The following SKAP1 variants were observed in gnomAD, a reference collection of about 807,000 sequenced individuals.
The protein encoded by SKAP1 is src kinase associated phosphoprotein 1.
SKAP1 carries 44 observed loss-of-function variants against 58.5 expected under a neutral mutation model. That is an observed-to-expected ratio of 0.75 (90% CI 0.59 to 0.97). The LOEUF is 0.97. Ranked by LOEUF, SKAP1 falls within the 50% of genes least tolerant of loss-of-function variation. The probability of loss-of-function intolerance (pLI) is 0.00; values close to 1 mark genes in which losing one functional copy is unlikely to be tolerated. For synonymous variants in SKAP1, 127 were observed against 149.7 expected, an observed-to-expected ratio of 0.85 and a Z score of 1.11; for missense variants, 390 against 435.2, an observed-to-expected ratio of 0.90 and a Z score of 0.92.
At chr17:48,249,607 G>A (rs2065338639) in intron 4 of SKAP1, among the ~76,000 whole-genome samples, 3 of 151,896 alleles carry the variant, frequency 2.0e-5, no homozygotes, top group African/African-American at 4.8e-5. Flanking sequence ...CCCGGAAGTC[G>A]AGGCTGCTGT....
At chr17:48,376,043 C>A (rs548947678) in intron 2 of SKAP1, among the ~76,000 whole-genome samples, 1 of 152,278 alleles carries the variant, frequency 6.6e-6, no homozygotes, top group South Asian at 2.1e-4. Flanking sequence ...TGCTTATGTA[C>A]AAATAACTCC....
At chr17:48,306,930 A>T (rs931153901) in intron 4 of SKAP1, among the ~76,000 whole-genome samples, 1 of 152,232 alleles carries the variant, frequency 6.6e-6, no homozygotes, top group Non-Finnish European at 1.5e-5. Context: ...GGAAAATATT[A>T]GATCTGATAG....
intron 11 of SKAP1, among the ~76,000 whole-genome samples, chr17:48,141,434 A>G (rs2063767028): frequency 6.6e-6 from 1 of 151,864 alleles, no homozygotes; most frequent in Non-Finnish European, 1.5e-5. Flanking sequence ...TCTGGAGTGC[A>G]CTGACACGAT....
At chr17:48,290,256 T>C (rs1446260319) in intron 4 of SKAP1, among the ~76,000 whole-genome samples, 1 of 152,196 alleles carries the variant, frequency 6.6e-6, no homozygotes, top group Non-Finnish European at 1.5e-5. Flanking sequence ...GAATTATTTG[T>C]AACTAAAGAT....
chr17:48,208,885 G>A (rs2064839035), intron 4 of SKAP1, among the ~76,000 whole-genome samples: 1 of 152,142 alleles, frequency 6.6e-6, no homozygotes, highest in Non-Finnish European at 1.5e-5. Flanking sequence ...CAAGTGTCTG[G>A]ATGCCAGGGT....
At chr17:48,414,996 C>A (rs1358663741) in intron 1 of SKAP1, among the ~76,000 whole-genome samples, 1 of 152,170 alleles carries the variant, frequency 6.6e-6, no homozygotes, top group Admixed American at 6.5e-5. Flanking sequence ...CTAAGTAATG[C>A]TCCTAGTACA....
chr17:48,394,141 T>C (rs945968730), intron 2 of SKAP1, among the ~76,000 whole-genome samples: 1 of 152,044 alleles, frequency 6.6e-6, no homozygotes, highest in African/African-American at 2.4e-5. Flanking sequence ...GGGGATCGCT[T>C]GAGCCCAGGA....
chr17:48,442,339 AG>A, the SKAP1 span, among the ~76,000 whole-genome samples: 18 of 152,294 alleles, frequency 1.2e-4, 1 homozygote, highest in African/African-American at 4.3e-4. Flanking sequence ...GCACAGAAAA[AG>A]CAATCTATCC....
chr17:48,227,915 T>A (rs2065086804), intron 4 of SKAP1, among the ~76,000 whole-genome samples: 1 of 152,236 alleles, frequency 6.6e-6, no homozygotes, highest in Non-Finnish European at 1.5e-5. Flanking sequence ...TAGAACTGTG[T>A]CTGGAACACA....
chr17:48,430,688 G>T (rs2067907952), upstream of SKAP1, among the ~76,000 whole-genome samples: 1 of 152,210 alleles, frequency 6.6e-6, no homozygotes, highest in Non-Finnish European at 1.5e-5. Context: ...GAAAGGAAAT[G>T]ATTAATTCCC....
upstream of SKAP1, among the ~76,000 whole-genome samples, chr17:48,433,303 C>T (rs1165671484): frequency 2.6e-5 from 4 of 152,190 alleles, no homozygotes; most frequent in African/African-American, 9.7e-5. Flanking sequence ...GTGATAGTCA[C>T]GAGTCCTTTA....
At chr17:48,410,934 C>CAAAAAAAA (rs61705374) in intron 1 of SKAP1, among the ~76,000 whole-genome samples, 19 of 66,956 alleles carry the variant, frequency 2.8e-4, no homozygotes, top group East Asian at 4.3e-4. Context: ...GACTCCATTT[C>CAAAAAAAA]AAAAAAAAAA....
chr17:48,360,265 AT>A (rs531423465), intron 3 of SKAP1, among the ~76,000 whole-genome samples: 6 of 151,922 alleles, frequency 3.9e-5, no homozygotes, highest in Admixed American at 6.6e-5. Context: ...ATTCATGAAG[AT>A]TTTTTTATAG....
At chr17:48,403,021 T>C (rs1045305444) in intron 1 of SKAP1, among the ~76,000 whole-genome samples, 1 of 152,102 alleles carries the variant, frequency 6.6e-6, no homozygotes, top group African/African-American at 2.4e-5. Flanking sequence ...CTAGAAGCCA[T>C]TGAGTTGTAT....
intron 2 of SKAP1, among the ~76,000 whole-genome samples, chr17:48,369,181 A>AT (rs1414001359): frequency 3.5e-4 from 52 of 149,522 alleles, no homozygotes; most frequent in African/African-American, 1.1e-3. Context: ...AAATAAATAT[A>AT]AAATAAAGAT....
intron 4 of SKAP1, among the ~76,000 whole-genome samples, chr17:48,271,731 A>AAG (rs2065636044): frequency 6.6e-6 from 1 of 152,078 alleles, no homozygotes; most frequent in Non-Finnish European, 1.5e-5. Flanking sequence ...GTATTAAAAT[A>AAG]ATTTTGGAAC....
chr17:48,274,827 C>A (rs1413833810), intron 4 of SKAP1, among the ~76,000 whole-genome samples: 1 of 152,140 alleles, frequency 6.6e-6, no homozygotes, highest in Non-Finnish European at 1.5e-5. Context: ...TAGGTGTGAA[C>A]CACAGTGCCT....
intron 4 of SKAP1, among the ~76,000 whole-genome samples, chr17:48,294,153 T>C (rs770814474): frequency 1.1e-4 from 17 of 152,152 alleles, no homozygotes; most frequent in Admixed American, 2.6e-4. Flanking sequence ...CAGGCTCTCA[T>C]TGAAATTTCA....
intron 4 of SKAP1, among the ~76,000 whole-genome samples, chr17:48,342,009 T>C (rs1408691314): frequency 6.6e-6 from 1 of 152,208 alleles, no homozygotes. Context: ...TAAAAAATAA[T>C]GTAGGTATGC....
Sources: gnomAD v4.1 joint callset for allele counts (sites outside exome capture counted in the v4.1 genomes callset) on GRCh38, gnomAD v4.1.1 for gene constraint, MANE v1.5 for transcripts, NCBI Gene and HGNC (gene_info 2026-07-23, HGNC 2026-07-21) for gene names.